The following SEMA6D variants were observed in gnomAD, a reference collection of about 807,000 sequenced individuals.
The protein encoded by SEMA6D is semaphorin 6D.
A neutral mutation model predicts 106.6 loss-of-function variants in SEMA6D; 35 were observed. The ratio of observed to expected loss-of-function variants is 0.33; its 90% CI spans 0.25 to 0.44. The LOEUF is 0.44. Among genes scored for constraint, SEMA6D ranks in the 20% least tolerant of loss-of-function variants. SEMA6D has a pLI of 1.00. For missense variants in SEMA6D, 1,185 were observed against 1,345.9 expected (o/e 0.88, Z 1.87); for synonymous variants, 499 against 487.7 (o/e 1.02, Z -0.31).
chr15:47,220,787 AG>A (rs2031124797), intron 1 of SEMA6D, among the ~76,000 whole-genome samples: 2 of 152,092 alleles, frequency 1.3e-5, no homozygotes, highest in African/African-American at 4.8e-5. Flanking sequence ...CACTTGATGC[AG>A]GTAAAATACA....
At chr15:47,293,096 G>A (rs1055318879) in intron 1 of SEMA6D, among the ~76,000 whole-genome samples, 1 of 152,090 alleles carries the variant, frequency 6.6e-6, no homozygotes, top group East Asian at 1.9e-4. Context: ...GGACTCTGGT[G>A]GTTGATTTTT....
At chr15:47,699,420 C>T (rs925512206) in intron 4 of SEMA6D, among the ~76,000 whole-genome samples, 1 of 152,186 alleles carries the variant, frequency 6.6e-6, no homozygotes, top group Non-Finnish European at 1.5e-5. Context: ...TTTCTGAGGT[C>T]AAACAGCTGT....
intron 3 of SEMA6D, among the ~76,000 whole-genome samples, chr15:47,485,392 C>G (rs1032273901): frequency 1.3e-5 from 2 of 151,772 alleles, no homozygotes; most frequent in African/African-American, 4.8e-5. Flanking sequence ...CACAAAATGA[C>G]CACAATTAGA....
chr15:47,705,831 C>G (rs2078902718), intron 4 of SEMA6D, among the ~76,000 whole-genome samples: 1 of 152,204 alleles, frequency 6.6e-6, no homozygotes, highest in African/African-American at 2.4e-5. Context: ...CTATCAAGCT[C>G]TCAAGGCTTA....
intron 1 of SEMA6D, among the ~76,000 whole-genome samples, chr15:47,255,678 T>C (rs1206220841): frequency 3.3e-5 from 5 of 152,198 alleles, no homozygotes; most frequent in African/African-American, 9.6e-5. Context: ...AAAAAGATTA[T>C]TAAAAATTTA....
At chr15:47,566,775 AACGGATGGAAAGTGTT>A (rs2046241469) in intron 3 of SEMA6D, among the ~76,000 whole-genome samples, 3 of 152,228 alleles carry the variant, frequency 2.0e-5, no homozygotes, top group African/African-American at 7.2e-5. Context: ...TCAATGAGCT[AACGGATGGAAAGTGTT>A]GCTTCCAGTG....
chr15:47,303,709 C>T (rs1254576394), intron 1 of SEMA6D, among the ~76,000 whole-genome samples: 5 of 152,104 alleles, frequency 3.3e-5, no homozygotes, highest in Non-Finnish European at 5.9e-5. Flanking sequence ...AATTGTTAGA[C>T]TTGGAGGGAG....
chr15:47,301,736 C>A (rs561476039), intron 1 of SEMA6D, among the ~76,000 whole-genome samples: 1 of 152,312 alleles, frequency 6.6e-6, no homozygotes, highest in African/African-American at 2.4e-5. Flanking sequence ...AGGGAGGAAA[C>A]GAGACGGGCA....
intron 1 of SEMA6D, among the ~76,000 whole-genome samples, chr15:47,406,262 G>A (rs1452645500): frequency 6.6e-6 from 1 of 152,232 alleles, no homozygotes; most frequent in South Asian, 2.1e-4. Context: ...ACAAAATCAG[G>A]GACCTAGATG....
At chr15:47,270,864 G>A (rs370045761) in intron 1 of SEMA6D, among the ~76,000 whole-genome samples, 164 of 151,942 alleles carry the variant, frequency 1.1e-3, no homozygotes, top group African/African-American at 3.7e-3. Flanking sequence ...ATGTGGTGGC[G>A]GGTGCCTGTA....
At chr15:47,754,277 C>G (rs987192265) in intron 1 of SEMA6D, among the ~76,000 whole-genome samples, 3 of 152,158 alleles carry the variant, frequency 2.0e-5, no homozygotes, top group Non-Finnish European at 4.4e-5. Context: ...TTTGCATTAA[C>G]CTTCCCTATA....
chr15:47,505,004 C>T (rs1028278333), intron 3 of SEMA6D, among the ~76,000 whole-genome samples: 2 of 152,078 alleles, frequency 1.3e-5, no homozygotes, highest in African/African-American at 2.4e-5. Flanking sequence ...TGGAGAGACT[C>T]GGGCCACCCA....
At chr15:47,595,473 T>C (rs761395147) in intron 3 of SEMA6D, among the ~76,000 whole-genome samples, 9 of 152,216 alleles carry the variant, frequency 5.9e-5, no homozygotes, top group Admixed American at 5.2e-4. Context: ...GAATTCAGTT[T>C]ACTAGTACTC....
chr15:47,657,193 A>T lies in SEMA6D; in HGVS notation c.-55+56297A>T, dbSNP rs186260602. ...ATGCTAACATTTATAGAAAAAAGTG[A>T]TTGAGCACAGACAGATGATAAAGAG... On this transcript the variant is annotated intron_variant, in intron 4 of 19. Coordinates refer to the SEMA6D transcript ENST00000558014. 1.2e-4 allele frequency among the ~76,000 whole-genome samples: 18 copies of T among 152,374 alleles called. 1 individual carries two copies. The highest frequency in any genetic ancestry group is 4.3e-4 in the African/African-American group (18 of 41,598).
chr15:47,367,694 A>ACG (rs2039103513), intron 1 of SEMA6D, among the ~76,000 whole-genome samples: 2 of 136,260 alleles, frequency 1.5e-5, no homozygotes, highest in Non-Finnish European at 3.1e-5. Context: ...GCGCGCGCGC[A>ACG]CACACACACA....
intron 1 of SEMA6D, among the ~76,000 whole-genome samples, chr15:47,324,255 C>T (rs777925298): frequency 5.2e-4 from 79 of 152,246 alleles, no homozygotes; most frequent in African/African-American, 1.8e-3. Context: ...TTTTGTTATA[C>T]CTATTTACCT....
intron 3 of SEMA6D, among the ~76,000 whole-genome samples, chr15:47,562,545 T>C (rs1023703982): frequency 6.6e-6 from 1 of 152,048 alleles, no homozygotes; most frequent in African/African-American, 2.4e-5. Flanking sequence ...CTGGTAAGAC[T>C]TGAATAGACA....
chr15:47,580,065 A>G (rs376236590), intron 3 of SEMA6D, among the ~76,000 whole-genome samples: 6 of 152,346 alleles, frequency 3.9e-5, no homozygotes, highest in South Asian at 4.1e-4. Context: ...CTTTAAAAAT[A>G]TGACATAACC....
intron 2 of SEMA6D, among the ~76,000 whole-genome samples, chr15:47,413,003 G>T (rs1210939387): frequency 6.6e-6 from 1 of 152,196 alleles, no homozygotes; most frequent in East Asian, 1.9e-4. Flanking sequence ...GCTGCTGTCA[G>T]AGACATCTGT....
Sources: allele counts gnomAD v4.1 joint callset (sites outside exome capture counted in the v4.1 genomes callset), GRCh38; gene constraint gnomAD v4.1.1; transcripts MANE v1.5; gene names NCBI Gene and HGNC (gene_info 2026-07-23, HGNC 2026-07-21).